APBB2: variants seen among roughly 807,000 people sequenced by gnomAD.
The protein encoded by APBB2 is Fe65-like 1.
APBB2 carries 38 observed loss-of-function variants against 82.5 expected under a neutral mutation model. The observed-to-expected ratio is 0.46, with a 90% CI of 0.36 to 0.60. The LOEUF is 0.60. APBB2 is among the 20% of genes least tolerant of loss of function. APBB2 has a pLI of 0.00. For missense variants in APBB2, 772 were observed against 972.3 expected (o/e 0.79, Z 2.74); for synonymous variants, 341 against 368.2 (o/e 0.93, Z 0.85).
At chr4:41,096,819 A>G (rs1364122602) in intron 3 of APBB2, among the ~76,000 whole-genome samples, 1 of 152,254 alleles carries the variant, frequency 6.6e-6, no homozygotes, top group Non-Finnish European at 1.5e-5. Flanking sequence ...TGCTTTTCAC[A>G]TGGTACATGC....
intron 17 of APBB2, among the ~76,000 whole-genome samples, chr4:40,821,145 C>T (rs1459765681): frequency 6.6e-6 from 1 of 152,166 alleles, no homozygotes; most frequent in Admixed American, 6.5e-5. Context: ...GGATTACAGG[C>T]GTAAGCCACC....
chr4:41,076,324 G>T (rs532013512), intron 3 of APBB2, among the ~76,000 whole-genome samples: 2 of 152,300 alleles, frequency 1.3e-5, no homozygotes, highest in African/African-American at 4.8e-5. Context: ...TCATTTTAAG[G>T]AGTAAAACTC....
At chr4:41,190,097 A>T (rs1773989031) in intron 1 of APBB2, among the ~76,000 whole-genome samples, 1 of 152,102 alleles carries the variant, frequency 6.6e-6, no homozygotes, top group African/African-American at 2.4e-5. Flanking sequence ...ATTTTTTTTC[A>T]TTAGAAAGTT....
chr4:40,907,379 ATT>A (rs55814804), intron 10 of APBB2, among the ~76,000 whole-genome samples: 680 of 37,062 alleles, frequency 0.018, 7 homozygotes, highest in Non-Finnish European at 0.023. Flanking sequence ...ATATATATAT[ATT>A]TTTTTTTTTT....
intron 12 of APBB2, among the ~76,000 whole-genome samples, chr4:40,878,413 T>C (rs756076701): frequency 1.2e-4 from 18 of 152,092 alleles, no homozygotes; most frequent in Non-Finnish European, 1.8e-4. Flanking sequence ...GCTTATCTAA[T>C]GCACTGCCCG....
At chr4:41,026,540 T>C (rs1714314647) in intron 5 of APBB2, among the ~76,000 whole-genome samples, 1 of 152,206 alleles carries the variant, frequency 6.6e-6, no homozygotes, top group African/African-American at 2.4e-5. Flanking sequence ...ATCTTTGTTT[T>C]TGTGAACTTG....
At chr4:41,167,702 G>A (rs1390375407) in intron 1 of APBB2, among the ~76,000 whole-genome samples, 1 of 152,170 alleles carries the variant, frequency 6.6e-6, no homozygotes, top group Non-Finnish European at 1.5e-5. Context: ...AATGGTGATA[G>A]GTTCAAAAAC....
chr4:40,930,602 C>T (rs573321795), intron 10 of APBB2, among the ~76,000 whole-genome samples: 2 of 152,120 alleles, frequency 1.3e-5, no homozygotes, highest in East Asian at 3.9e-4. Context: ...GTGTCCCCAT[C>T]CTGACAGTCT....
intron 2 of APBB2, chr4:41,113,912 A>T (rs928020459): frequency 6.6e-6 from 1 of 152,218 alleles, no homozygotes; most frequent in African/African-American, 2.4e-5. Flanking sequence ...AACATGGTGA[A>T]CCCTGTCTCT....
chr4:40,978,952 G>GATACACAGGAAA (rs1797842238), intron 6 of APBB2, among the ~76,000 whole-genome samples: 1 of 151,814 alleles, frequency 6.6e-6, no homozygotes, highest in Admixed American at 6.6e-5. Flanking sequence ...AAAACTATGA[G>GATACACAGGAAA]ATACACAGGA....
Position 41,197,963 on chromosome 4 carries a change from T to C in APBB2, c.-417+16442A>G. 7.0e-3 allele frequency among the ~76,000 whole-genome samples: 1,063 copies of C among 152,330 alleles called. 14 individuals carry two copies. The highest frequency in any genetic ancestry group is 0.025 in the African/African-American group (1,039 of 41,578). ...TCATTTGATAATATAACAATATTCA[T>C]TACGTGCTGACTATTCTAGGTACTT... On this transcript the variant is annotated intron_variant, in intron 1 of 17. Coordinates refer to ENST00000508593, the MANE Select transcript of APBB2 (RefSeq NM_004307.2).
chr4:40,994,876 G>GGGAGGGAA (rs1024187171), intron 6 of APBB2, among the ~76,000 whole-genome samples: 26 of 148,986 alleles, frequency 1.7e-4, no homozygotes, highest in Non-Finnish European at 3.3e-4. Flanking sequence ...GAAGGAGGGA[G>GGGAGGGAA]GGAGGGAAGG....
intron 1 of APBB2, among the ~76,000 whole-genome samples, chr4:41,168,454 T>A (rs1767330164): frequency 6.6e-6 from 1 of 152,060 alleles, no homozygotes; most frequent in Non-Finnish European, 1.5e-5. Context: ...TTCTCCTGCC[T>A]CAGCATCCTG....
intron 12 of APBB2, among the ~76,000 whole-genome samples, chr4:40,836,918 T>C (rs1048287340): frequency 2.0e-5 from 3 of 152,182 alleles, no homozygotes; most frequent in Non-Finnish European, 2.9e-5. Context: ...AAACTCTATA[T>C]CCCATCAGCT....
In APBB2 at chr4:40,944,929, T is replaced by C. The variant is rs752467795; in HGVS notation, c.980A>G (p.Asp327Gly). Residue 327 changes from aspartate to glycine, a missense_variant, in exon 7 of 18, where the codon GAT (aspartate) becomes GGT (glycine). Physicochemically the swap from Asp to Gly is moderately conservative, Grantham distance 94. Transcript: ENST00000508593. Reference protein sequence around the residue: ...QWERPVSIPADLQGSRKGSLS... With the variant: ...QWERPVSIPAGLQGSRKGSLS... Reference sequence around the variant, plus strand: ...TGACCCTTTCCTAGAACCCTGGAGATCTGCTGGGATGGAGACGGGCCGTTC... The same window carrying C: ...TGACCCTTTCCTAGAACCCTGGAGACCTGCTGGGATGGAGACGGGCCGTTC... 26 of 1,613,602 alleles carry C rather than the reference T, an allele frequency of 1.6e-5. No individual in the cohort carries two copies. Among genetic ancestry groups the C allele is most frequent in the Non-Finnish European group, 1.9e-5 (23 of 1,180,014 alleles).
chr4:40,849,380 T>A (rs1393336351), intron 12 of APBB2, among the ~76,000 whole-genome samples: 3 of 152,226 alleles, frequency 2.0e-5, no homozygotes, highest in Non-Finnish European at 4.4e-5. Context: ...CTAACTAGAT[T>A]CCTTCCTTGG....
chr4:40,937,793 C>T (rs1351540366), intron 7 of APBB2, among the ~76,000 whole-genome samples: 2 of 152,104 alleles, frequency 1.3e-5, no homozygotes, highest in African/African-American at 2.4e-5. Context: ...GTCACTTTGT[C>T]TTAAATTTTA....
intron 6 of APBB2, among the ~76,000 whole-genome samples, chr4:40,986,030 T>C (rs1579007033): frequency 6.6e-6 from 1 of 152,346 alleles, no homozygotes; most frequent in Middle Eastern, 3.4e-3. Context: ...TAGTTCTATT[T>C]GAAAAACCTT....
chr4:41,163,224 C>A (rs1294364424), intron 1 of APBB2, among the ~76,000 whole-genome samples: 1 of 152,156 alleles, frequency 6.6e-6, no homozygotes, highest in Admixed American at 6.5e-5. Context: ...GGTAAAAGAT[C>A]TGGGGGGAAA....
Sources: gnomAD v4.1 joint callset for allele counts (sites outside exome capture counted in the v4.1 genomes callset) on GRCh38, gnomAD v4.1.1 for gene constraint, MANE v1.5 for transcripts, NCBI Gene and HGNC (gene_info 2026-07-23, HGNC 2026-07-21) for gene names.